Variants in OSBPL10 observed in about 807,000 individuals in gnomAD.
OSBPL10 encodes oxysterol binding protein like 10.
A neutral mutation model predicts 81.7 loss-of-function variants in OSBPL10; 49 were observed. The ratio of observed to expected loss-of-function variants is 0.60; its 90% confidence interval spans 0.48 to 0.76. The LOEUF is 0.76. Ranked by LOEUF, OSBPL10 falls within the 30% of genes least tolerant of loss-of-function variation. The probability of loss-of-function intolerance (pLI) is 0.00; values close to 1 mark genes in which losing one functional copy is unlikely to be tolerated. For synonymous variants in OSBPL10, 419 were observed against 383.6 expected, an observed-to-expected ratio of 1.09 and a Z score of -1.08; for missense variants, 923 against 987.8, an observed-to-expected ratio of 0.93 and a Z score of 0.88.
rs1284731312 is a variant in OSBPL10 at position 31,672,361 on chromosome 3, C to CA, written c.1727-1379_1727-1378insT. ...CACTTAGAGCTAGAATTTGCGGGGG[C>CA]GGGGGGGGGGGCAGGAGGGAGGGAG... On this transcript the variant is annotated intron_variant, in intron 8 of 11. Coordinates refer to ENST00000396556, the MANE Select transcript of OSBPL10 (RefSeq NM_017784.5). Among the ~76,000 whole-genome samples, 7 of 53,736 alleles carry CA rather than the reference C, an allele frequency of 1.3e-4. No individual in the cohort carries two copies. The South Asian group carries it at 4.4e-3, about 33-fold the overall frequency. 35.3% of individuals were successfully genotyped at this position (53,736 alleles called of 152,430 possible).
At chr3:31,872,506 A>T (rs550555707) in intron 3 of OSBPL10, among the ~76,000 whole-genome samples, 1 of 148,992 alleles carries the variant, frequency 6.7e-6, no homozygotes, top group Admixed American at 6.7e-5. Context: ...CACACTTTCA[A>T]TTTTTCCAAG....
At chr3:31,989,680 A>C (rs752476083) in intron 2 of OSBPL10, 1 of 1,613,892 alleles carries the variant, frequency 6.2e-7, no homozygotes, top group African/African-American at 1.3e-5. Context: ...TAGGCCCAAA[A>C]TCCATATTTC....
chr3:31,840,207 T>C (rs1700458876), intron 3 of OSBPL10, among the ~76,000 whole-genome samples: 1 of 152,134 alleles, frequency 6.6e-6, no homozygotes, highest in African/African-American at 2.4e-5. Flanking sequence ...TCCTATTTTA[T>C]ATTTAAACAT....
At chr3:31,903,401 C>T (rs1696312203) in intron 1 of OSBPL10, among the ~76,000 whole-genome samples, 1 of 149,474 alleles carries the variant, frequency 6.7e-6, no homozygotes, top group Non-Finnish European at 1.5e-5. Flanking sequence ...AACACCAAGG[C>T]TTGTGCAGCC....
intron 8 of OSBPL10, among the ~76,000 whole-genome samples, chr3:31,679,898 C>A (rs918574583): frequency 6.6e-6 from 1 of 152,130 alleles, no homozygotes; most frequent in Non-Finnish European, 1.5e-5. Flanking sequence ...GAACATAAAC[C>A]TCCCACAGGG....
chr3:31,806,295 G>A (rs551999086), intron 4 of OSBPL10, among the ~76,000 whole-genome samples: 5 of 152,328 alleles, frequency 3.3e-5, no homozygotes, highest in Admixed American at 2.0e-4. Context: ...AGGGACTTGT[G>A]TCCAAATCAC....
At chr3:31,943,447 C>G (rs1431310129) in intron 1 of OSBPL10, among the ~76,000 whole-genome samples, 1 of 151,824 alleles carries the variant, frequency 6.6e-6, no homozygotes, top group Non-Finnish European at 1.5e-5. Flanking sequence ...TTAAAAAAAA[C>G]TTGGACTTTT....
intron 4 of OSBPL10, among the ~76,000 whole-genome samples, chr3:31,821,820 G>C (rs570313390): frequency 4.0e-4 from 61 of 152,316 alleles, no homozygotes; most frequent in Non-Finnish European, 8.2e-4. Context: ...TGCCAGTACA[G>C]ATCACTACCT....
rs552135982 is a variant in OSBPL10 at position 31,805,719 on chromosome 3, G to C, written c.729+24321C>G. The stretch of plus-strand genomic sequence containing the variant: ...GCTGAATGCTCAGCCATCACAACCT[G>C]CCTCATTTAGTAGACAAAAAAGTAT... On this transcript the variant is annotated intron_variant, in intron 4 of 11. Transcript: ENST00000396556. Among the ~76,000 whole-genome samples the C allele has an allele frequency of 2.0e-5, 3 of 152,244 alleles. No individual in the cohort carries two copies. The East Asian group carries it at 5.8e-4, about 29-fold the overall frequency.
chr3:31,941,554 A>G (rs1361742212), intron 1 of OSBPL10, among the ~76,000 whole-genome samples: 1 of 152,142 alleles, frequency 6.6e-6, no homozygotes, highest in Non-Finnish European at 1.5e-5. Flanking sequence ...AGACACCTCA[A>G]ACTCCCCTGA....
intron 4 of OSBPL10, among the ~76,000 whole-genome samples, chr3:31,755,387 C>T (rs1697855312): frequency 6.6e-6 from 1 of 152,210 alleles, no homozygotes; most frequent in African/African-American, 2.4e-5. Flanking sequence ...ATCTAACTGG[C>T]CGGTTGGAAG....
chr3:31,952,422 C>T lies in OSBPL10; in HGVS notation c.281+28477G>A, dbSNP rs567635834. The stretch of plus-strand genomic sequence containing the variant: ...AAGAGTTCCCCACCCTACATCCAGG[C>T]GTATCCCTCGTCACGCTCCGTGAGA... On this transcript the variant is annotated intron_variant, in intron 1 of 11. Coordinates refer to ENST00000396556, the MANE Select transcript of OSBPL10 (RefSeq NM_017784.5). Among the ~76,000 whole-genome samples the T allele has an allele frequency of 1.6e-3, 248 of 152,306 alleles. 3 individuals carry two copies. The highest frequency in any genetic ancestry group is 2.4e-3 in the Non-Finnish European group (166 of 68,036).
chr3:31,992,222 A>G (rs1699041057), intron 2 of OSBPL10, among the ~76,000 whole-genome samples: 1 of 152,206 alleles, frequency 6.6e-6, no homozygotes, highest in African/African-American at 2.4e-5. Flanking sequence ...AACAGAATAA[A>G]TAATCTAGAA....
At chr3:31,931,525 T>C (rs1010302950) in intron 1 of OSBPL10, among the ~76,000 whole-genome samples, 1 of 152,188 alleles carries the variant, frequency 6.6e-6, no homozygotes, top group Non-Finnish European at 1.5e-5. Flanking sequence ...ATGAAGTCCT[T>C]CCTCTATACA....
intron 2 of OSBPL10, among the ~76,000 whole-genome samples, chr3:32,035,127 G>T (rs1429996536): frequency 6.6e-6 from 1 of 152,160 alleles, no homozygotes; most frequent in Non-Finnish European, 1.5e-5. Context: ...GGGGCCGTAG[G>T]ATATACCATA....
chr3:31,773,128 CAA>C (rs1698430003), intron 4 of OSBPL10, among the ~76,000 whole-genome samples: 1 of 151,980 alleles, frequency 6.6e-6, no homozygotes, highest in African/African-American at 2.4e-5. Context: ...CTATTTTTCC[CAA>C]AGTTTCATAT....
intron 6 of OSBPL10, among the ~76,000 whole-genome samples, chr3:31,710,414 C>T (rs942642268): frequency 1.3e-5 from 2 of 152,168 alleles, no homozygotes; most frequent in Non-Finnish European, 2.9e-5. Flanking sequence ...TCCCCTTCTC[C>T]CCCCACAGCT....
At chr3:31,830,342 G>A in intron 3 of OSBPL10, 111 bp from the exon 4 acceptor site, 1 of 1,128,472 alleles carries the variant, frequency 8.9e-7, no homozygotes. Flanking sequence ...TCTCTTTAGG[G>A]AGCTGAAGGT....
intron 2 of OSBPL10, 171 bp downstream of exon 2, chr3:31,879,484 G>T: frequency 3.2e-6 from 2 of 628,272 alleles, no homozygotes; most frequent in Non-Finnish European, 5.3e-6. Context: ...CCTAATGTCA[G>T]CTCCATCTCC....
Sources: gnomAD v4.1 joint callset for allele counts (sites outside exome capture counted in the v4.1 genomes callset) on GRCh38, gnomAD v4.1.1 for gene constraint, MANE v1.5 for transcripts, NCBI Gene and HGNC (gene_info 2026-07-23, HGNC 2026-07-21) for gene names.